Variants in RIMS1 observed in about 807,000 individuals in gnomAD.
RIMS1 encodes regulating synaptic membrane exocytosis 1.
A neutral mutation model predicts 214.1 loss-of-function variants in RIMS1; 83 were observed. The observed-to-expected ratio is 0.39, with a 90% confidence interval of 0.32 to 0.47. The LOEUF (loss-of-function observed/expected upper bound fraction) is 0.47, where lower values mean the gene tolerates loss of function less well. Ranked by LOEUF, RIMS1 falls within the 20% of genes least tolerant of loss-of-function variation. The probability of loss-of-function intolerance (pLI) is 0.99; values close to 1 mark genes in which losing one functional copy is unlikely to be tolerated. For synonymous variants in RIMS1, 793 were observed against 786.8 expected (o/e 1.01, Z -0.13); for missense variants, 2,050 against 2,161.8 (o/e 0.95, Z 1.03).
At chr6:71,986,783 T>G (rs1238670442) in intron 2 of RIMS1, among the ~76,000 whole-genome samples, 1 of 152,232 alleles carries the variant, frequency 6.6e-6, no homozygotes, top group Non-Finnish European at 1.5e-5. Flanking sequence ...GCATTGCCAT[T>G]AGAATGAATA....
At chr6:72,252,071 A>T (rs2073633928) in intron 15 of RIMS1, among the ~76,000 whole-genome samples, 1 of 152,130 alleles carries the variant, frequency 6.6e-6, no homozygotes, top group Admixed American at 6.5e-5. Flanking sequence ...ATTAGAAGGT[A>T]TGTTTATTGC....
chr6:71,971,254 T>A (rs1262693421), intron 2 of RIMS1, among the ~76,000 whole-genome samples: 3 of 152,018 alleles, frequency 2.0e-5, no homozygotes, highest in Non-Finnish European at 4.4e-5. Context: ...TTGAGAGAAG[T>A]AGGGAAAATG....
intron 1 of RIMS1, among the ~76,000 whole-genome samples, chr6:71,898,782 A>G (rs1224657448): frequency 6.6e-6 from 1 of 152,112 alleles, no homozygotes; most frequent in Non-Finnish European, 1.5e-5. Flanking sequence ...GAGGCCAGAG[A>G]CTCAGGATTT....
chr6:72,248,603 C>A (rs961252434), intron 12 of RIMS1, among the ~76,000 whole-genome samples: 11 of 152,094 alleles, frequency 7.2e-5, no homozygotes, highest in African/African-American at 2.7e-4. Context: ...TCACTATTGC[C>A]TTATTATGTG....
chr6:72,150,586 T>A (rs1223696708), intron 4 of RIMS1, among the ~76,000 whole-genome samples: 2 of 152,242 alleles, frequency 1.3e-5, no homozygotes, highest in Non-Finnish European at 2.9e-5. Context: ...AGATACAGGT[T>A]ATTGTGCAGA....
At chr6:72,027,648 A>G (rs760484560) in intron 2 of RIMS1, among the ~76,000 whole-genome samples, 1 of 152,064 alleles carries the variant, frequency 6.6e-6, no homozygotes, top group Non-Finnish European at 1.5e-5. Flanking sequence ...CAACAGCCCT[A>G]AGAAATTTCC....
At chr6:72,307,923 CACTT>C (rs1310961668) in intron 27 of RIMS1, among the ~76,000 whole-genome samples, 1 of 151,966 alleles carries the variant, frequency 6.6e-6, no homozygotes, top group Non-Finnish European at 1.5e-5. Flanking sequence ...ATATTAAAAT[CACTT>C]AATGATTGAT....
chr6:71,887,147 C>A lies in RIMS1; in HGVS notation c.124C>A (p.Arg42=), dbSNP rs1198774480. The change falls in exon 1 of 34, where the codon CGG becomes AGG. Residue 42 remains arginine (R), a synonymous_variant. Transcript: ENST00000521978. ...ERNIIMAVMD[R]QKEEEEKEEA... is the part of the protein sequence containing the mutation. ...GAACATTATCATGGCAGTGATGGAC[C>A]GGCAGAAGGAAGAGGAGGAAAAAGA... The A allele has an allele frequency of 2.5e-6, 4 of 1,612,634 alleles. No individual in the cohort carries two copies. The highest frequency in any genetic ancestry group is 2.5e-6 in the Non-Finnish European group (3 of 1,179,342).
intron 2 of RIMS1, among the ~76,000 whole-genome samples, chr6:72,043,237 A>C (rs1195503329): frequency 6.6e-6 from 1 of 151,830 alleles, no homozygotes; most frequent in Non-Finnish European, 1.5e-5. Flanking sequence ...ATTCCTGAAA[A>C]GGCAAGTTTC....
chr6:71,928,128 G>A (rs921055372), intron 1 of RIMS1, among the ~76,000 whole-genome samples: 6 of 152,094 alleles, frequency 3.9e-5, no homozygotes, highest in Admixed American at 1.3e-4. Flanking sequence ...CTGCAGAAAA[G>A]TATGTGATGA....
chr6:72,109,587 G>T (rs980391110), intron 4 of RIMS1, among the ~76,000 whole-genome samples: 27 of 151,072 alleles, frequency 1.8e-4, no homozygotes, highest in African/African-American at 6.1e-4. Context: ...GTTCATTGTA[G>T]ATTCTGGATA....
chr6:72,172,753 A>C (rs919147123), intron 4 of RIMS1, among the ~76,000 whole-genome samples: 2 of 152,256 alleles, frequency 1.3e-5, no homozygotes, highest in African/African-American at 4.8e-5. Flanking sequence ...TATCCTATGA[A>C]GTTTTTGTTT....
At chr6:72,163,831 GGT>G in intron 4 of RIMS1, among the ~76,000 whole-genome samples, 1 of 95,584 alleles carries the variant, frequency 1.0e-5, no homozygotes, top group African/African-American at 2.8e-5. Context: ...TAGGCTACTC[GGT>G]GGTCAGGGAC....
chr6:72,147,466 G>A (rs1212705697), intron 4 of RIMS1, among the ~76,000 whole-genome samples: 1 of 152,234 alleles, frequency 6.6e-6, no homozygotes, highest in East Asian at 1.9e-4. Context: ...TTTTGAGAGG[G>A]CTCTATCCTG....
chr6:72,274,091 A>T (rs2084867234), intron 22 of RIMS1, among the ~76,000 whole-genome samples: 1 of 152,196 alleles, frequency 6.6e-6, no homozygotes, highest in Admixed American at 6.5e-5. Flanking sequence ...AAAAAACTAC[A>T]CTTAATAGGC....
At chr6:72,137,008 G>T (rs998444440) in intron 4 of RIMS1, among the ~76,000 whole-genome samples, 1 of 151,774 alleles carries the variant, frequency 6.6e-6, no homozygotes, top group Non-Finnish European at 1.5e-5. Flanking sequence ...ATATAATAAG[G>T]CAATAAAATA....
chr6:71,896,182 A>G (rs1295917347), intron 1 of RIMS1, among the ~76,000 whole-genome samples: 1 of 152,218 alleles, frequency 6.6e-6, no homozygotes, highest in Non-Finnish European at 1.5e-5. Context: ...CTAATTTTAT[A>G]TTATTCATGA....
intron 28 of RIMS1, among the ~76,000 whole-genome samples, chr6:72,332,941 G>A (rs953613171): frequency 1.1e-4 from 17 of 151,846 alleles, no homozygotes; most frequent in South Asian, 1.0e-3. Flanking sequence ...TACATCATGC[G>A]AGTGTGAGGC....
At chr6:72,314,180 A>G (rs187180866) in intron 28 of RIMS1, among the ~76,000 whole-genome samples, 58 of 152,310 alleles carry the variant, frequency 3.8e-4, no homozygotes, top group African/African-American at 1.1e-3. Flanking sequence ...GTGCTTTTGT[A>G]TTCTTAAAAG....
Sources: gnomAD v4.1 joint callset for allele counts (sites outside exome capture counted in the v4.1 genomes callset) on GRCh38, gnomAD v4.1.1 for gene constraint, MANE v1.5 for transcripts, NCBI Gene and HGNC (gene_info 2026-07-23, HGNC 2026-07-21) for gene names.